Variants in GK5 observed in about 807,000 individuals in gnomAD.
The protein encoded by GK5 is ATP:glycerol 3-phosphotransferase 5.
In GK5, 39 loss-of-function variants were observed where a neutral mutation model predicts 77.3. That is an observed-to-expected ratio of 0.50 (90% CI 0.39 to 0.66). GK5 has a LOEUF of 0.66. Ranked by LOEUF, GK5 falls within the 30% of genes least tolerant of loss-of-function variation. The pLI is 0.00. For missense variants in GK5, 487 were observed against 633.8 expected (o/e 0.77, Z 2.49); for synonymous variants, 211 against 208.0 (o/e 1.01, Z -0.13).
intron 3 of GK5, among the ~76,000 whole-genome samples, chr3:142,208,145 A>C (rs1290746630): frequency 6.6e-6 from 1 of 152,220 alleles, no homozygotes; most frequent in Non-Finnish European, 1.5e-5. Context: ...TGCAAATTGC[A>C]CATTATGTCA....
At chr3:142,191,948 C>T (rs1345273396) in intron 5 of GK5, among the ~76,000 whole-genome samples, 1 of 151,950 alleles carries the variant, frequency 6.6e-6, no homozygotes, top group Non-Finnish European at 1.5e-5. Flanking sequence ...TAATGAGCCA[C>T]GATCATGCCA....
In GK5 at chr3:142,211,545, G is replaced by A. The variant is rs372172654; in HGVS notation, c.317+1981C>T. On this transcript the variant is annotated intron_variant, in intron 3 of 15. Transcript: ENST00000392993. ...GGTGGCTCACGCCTGTAATCCCAGC[G>A]CTTTGGGACGCCAAGGCAGGCAGAT... Among the ~76,000 whole-genome samples, 109 of 152,204 alleles carry A rather than the reference G, an allele frequency of 7.2e-4. No individual in the cohort carries two copies. The East Asian group carries it at 0.01, about 14-fold the overall frequency.
rs948795832 is a variant in GK5 at position 142,200,724 on chromosome 3, C to T, written c.412-1791G>A. On this transcript the variant is annotated intron_variant, in intron 4 of 15. Coordinates refer to ENST00000392993, the MANE Select transcript of GK5 (RefSeq NM_001039547.3). ...GTGGTGAGGTCATACAAAAATATTA[C>T]AAGCTCTAATAACTGCACTTTTAGA... 1.6e-4 allele frequency among the ~76,000 whole-genome samples: 25 copies of T among 152,176 alleles called. 1 individual carries two copies. Among genetic ancestry groups the T allele is most frequent in the Admixed American group, 1.1e-3 (17 of 15,280 alleles).
chr3:142,172,506 T>C, intron 12 of GK5, 50 bp from the exon 13 acceptor site: 1 of 1,026,726 alleles, frequency 9.7e-7, no homozygotes, highest in Non-Finnish European at 1.5e-6. Flanking sequence ...AAATTACATC[T>C]ACGGACTTGA....
intron 1 of GK5, among the ~76,000 whole-genome samples, chr3:142,219,073 G>A (rs1412414298): frequency 6.6e-6 from 1 of 152,220 alleles, no homozygotes; most frequent in Non-Finnish European, 1.5e-5. Flanking sequence ...AAGTATTGAT[G>A]AGGATGTGGA....
At chr3:142,219,741 C>T (rs374039811) in intron 1 of GK5, among the ~76,000 whole-genome samples, 8 of 152,018 alleles carry the variant, frequency 5.3e-5, no homozygotes, top group African/African-American at 1.5e-4. Context: ...TTTGGGAGGC[C>T]GAGGTAGGAG....
At chr3:142,169,444 A>G (rs2108779850) in intron 15 of GK5, among the ~76,000 whole-genome samples, 1 of 152,264 alleles carries the variant, frequency 6.6e-6, no homozygotes, top group East Asian at 1.9e-4. Flanking sequence ...TGCCTTCCTG[A>G]GAATGTTATT....
At chr3:142,175,882 G>A (rs1309279087) in intron 12 of GK5, among the ~76,000 whole-genome samples, 1 of 149,534 alleles carries the variant, frequency 6.7e-6, no homozygotes, top group East Asian at 1.9e-4. Flanking sequence ...TTACAGGTAT[G>A]TGAGGTGATA....
intron 11 of GK5, among the ~76,000 whole-genome samples, chr3:142,180,546 C>A (rs573782551): frequency 6.6e-6 from 1 of 152,176 alleles, no homozygotes; most frequent in Admixed American, 6.6e-5. Flanking sequence ...AGGTAATCCA[C>A]GTGCCTCAGC....
intron 15 of GK5, among the ~76,000 whole-genome samples, chr3:142,167,090 T>C (rs915490474): frequency 6.6e-6 from 1 of 152,170 alleles, no homozygotes; most frequent in Non-Finnish European, 1.5e-5. Context: ...GGTATTAATG[T>C]AGGCCAGGTG....
chr3:142,182,167 T>C (rs969925053), intron 10 of GK5, among the ~76,000 whole-genome samples: 4 of 152,176 alleles, frequency 2.6e-5, no homozygotes, highest in Admixed American at 1.3e-4. Flanking sequence ...CAAACTAGTA[T>C]AGTTCTATAA....
At chr3:142,208,173 C>T (rs371807485) in intron 3 of GK5, among the ~76,000 whole-genome samples, 1 of 152,024 alleles carries the variant, frequency 6.6e-6, no homozygotes, top group East Asian at 1.9e-4. Context: ...TTTAACATAG[C>T]TTACTTATTA....
At chr3:142,220,770 G>A (rs1416841465) in intron 1 of GK5, among the ~76,000 whole-genome samples, 1 of 152,168 alleles carries the variant, frequency 6.6e-6, no homozygotes, top group Non-Finnish European at 1.5e-5. Flanking sequence ...TGAACTATGA[G>A]AGTGATGCCC....
chr3:142,187,804 C>A, intron 5 of GK5, 25 bp from the exon 6 acceptor site: 2 of 1,586,648 alleles, frequency 1.3e-6, no homozygotes, highest in Non-Finnish European at 1.7e-6. Context: ...AGCACAAAAT[C>A]GATTCAAAAA....
Position 142,157,574 on chromosome 3 carries a change from T to A in GK5, c.*8048A>T, listed in dbSNP as rs2063392211. 1 of 152,256 alleles carries A rather than the reference T, an allele frequency of 6.6e-6. No individual in the cohort carries two copies. The highest frequency in any genetic ancestry group is 1.5e-5 in the Non-Finnish European group (1 of 68,046). The allele number at this position is 152,256 out of a possible 1,614,324, so 9.4% of individuals were successfully genotyped here. A position where few individuals can be genotyped will look rare whatever the true frequency, so the allele number is the denominator to read the frequency against. On this transcript the variant is annotated 3_prime_UTR_variant, in exon 16 of 16. Coordinates refer to ENST00000392993, the MANE Select transcript of GK5 (RefSeq NM_001039547.3). ...TATACCAACGTACAGATTATTCAGT[T>A]CCATTGTAATTTCCCAAATAATTTT...
chr3:142,159,076 A>G lies in GK5; in HGVS notation c.*6546T>C, dbSNP rs774629512. 13 of 152,232 alleles carry G rather than the reference A, an allele frequency of 8.5e-5. No individual in the cohort carries two copies. The highest frequency in any genetic ancestry group is 1.8e-4 in the Non-Finnish European group (12 of 68,032). 9.4% of individuals were successfully genotyped at this position (152,232 alleles called of 1,614,324 possible). On this transcript the variant is annotated 3_prime_UTR_variant, in exon 16 of 16. Transcript: ENST00000392993. Reference sequence around the variant, plus strand: ...GATATGGCTCATTAAGCAAACATTTAGTGATCATATCTCACTGCAGCCTCG... The same window carrying G: ...GATATGGCTCATTAAGCAAACATTTGGTGATCATATCTCACTGCAGCCTCG...
intron 12 of GK5, among the ~76,000 whole-genome samples, chr3:142,176,656 T>A (rs1461130294): frequency 6.7e-6 from 1 of 149,776 alleles, no homozygotes; most frequent in Non-Finnish European, 1.5e-5. Context: ...AAGGAGATTT[T>A]GATTTTTTTT....
At chr3:142,204,980 A>G (rs939892243) in intron 3 of GK5, among the ~76,000 whole-genome samples, 192 bp from the exon 4 acceptor site, 1 of 152,246 alleles carries the variant, frequency 6.6e-6, no homozygotes, top group Non-Finnish European at 1.5e-5. Flanking sequence ...TGTGACATAT[A>G]GTATGAAATG....
chr3:142,184,773 TCA>T (rs2063745836), intron 9 of GK5: 1 of 759,668 alleles, frequency 1.3e-6, no homozygotes, highest in African/African-American at 1.9e-5. Flanking sequence ...GAGGCGGAGG[TCA>T]CAGTGAGCCA....
Sources: gnomAD v4.1 joint callset for allele counts (sites outside exome capture counted in the v4.1 genomes callset) on GRCh38, gnomAD v4.1.1 for gene constraint, MANE v1.5 for transcripts, NCBI Gene and HGNC (gene_info 2026-07-23, HGNC 2026-07-21) for gene names.